WNK1: variants seen among roughly 807,000 people sequenced by gnomAD.
WNK1 encodes serine/threonine-protein kinase WNK1.
Under a neutral mutation model 222.8 loss-of-function variants are expected in WNK1, and 38 were observed. The ratio of observed to expected loss-of-function variants is 0.17; its 90% CI spans 0.13 to 0.22. The LOEUF is 0.22. Ranked by LOEUF, WNK1 falls within the 10% of genes least tolerant of loss-of-function variation. The probability of loss-of-function intolerance (pLI) is 1.00; values close to 1 mark genes in which losing one functional copy is unlikely to be tolerated. For missense variants in WNK1, 2,348 were observed against 2,918.4 expected (o/e 0.80, Z 4.50); for synonymous variants, 1,090 against 1,092.9 (o/e 1.00, Z 0.05).
At chr12:761,909 A>T (rs894699128) in intron 1 of WNK1, among the ~76,000 whole-genome samples, 1 of 147,092 alleles carries the variant, frequency 6.8e-6, no homozygotes, top group Non-Finnish European at 1.5e-5. Flanking sequence ...TCTCACACAC[A>T]GTCATCCGTC....
intron 1 of WNK1, among the ~76,000 whole-genome samples, chr12:765,652 T>G (rs899731775): frequency 4.6e-5 from 7 of 152,098 alleles, no homozygotes; most frequent in Non-Finnish European, 8.8e-5. Context: ...ATATGAGGAC[T>G]GTGCATGGTG....
intron 6 of WNK1, 52 bp from the exon 7 acceptor site, chr12:860,949 TGGTGGTGGGGGG>T: frequency 2.6e-6 from 3 of 1,170,924 alleles, no homozygotes; most frequent in Non-Finnish European, 2.3e-6. Flanking sequence ...TGGCGGGGGG[TGGTGGTGGGGGG>T]TGTTGTTTTC....
intron 8 of WNK1, 128 bp downstream of exon 8, chr12:862,398 C>G: frequency 9.5e-7 from 1 of 1,050,944 alleles, no homozygotes; most frequent in South Asian, 1.4e-5. Flanking sequence ...TGCTGTGTCT[C>G]TAAAGCCTTA....
chr12:768,267 C>T (rs909633252), intron 1 of WNK1, among the ~76,000 whole-genome samples: 2 of 152,180 alleles, frequency 1.3e-5, no homozygotes, highest in African/African-American at 4.8e-5. Context: ...TCCCAAGTAG[C>T]TGGGGTTACA....
chr12:860,879 C>T, intron 6 of WNK1, 134 bp from the exon 7 acceptor site: 2 of 855,530 alleles, frequency 2.3e-6, no homozygotes, highest in Non-Finnish European at 3.7e-6. Context: ...TAAGGCCAGT[C>T]CTGAGAGAAT....
intron 26 of WNK1, among the ~76,000 whole-genome samples, chr12:905,130 TG>T (rs139025629): frequency 1.8e-3 from 271 of 152,242 alleles, no homozygotes; most frequent in African/African-American, 6.2e-3. Context: ...AAATGAATCT[TG>T]GGGGTAAGTC....
intron 4 of WNK1, among the ~76,000 whole-genome samples, chr12:846,729 G>T (rs764214007): frequency 2.0e-5 from 3 of 152,124 alleles, no homozygotes; most frequent in Non-Finnish European, 2.9e-5. Flanking sequence ...TGAACATTTT[G>T]TCTGGGAAAA....
rs1420922782 is a variant in WNK1, at chr12:910,341, C to CTCATT, written c.*1552_*1556dup. 2 of 152,220 alleles carry CTCATT rather than the reference C, an allele frequency of 1.3e-5. No homozygotes were observed. The highest frequency in any genetic ancestry group is 4.8e-5 in the African/African-American group (2 of 41,456). The allele number at this position is 152,220 out of a possible 1,614,324, so 9.4% of individuals were successfully genotyped here. Reference sequence around the variant, plus strand: ...TTCTAGGAAAGAATACTTATTCCTACTCATTTCCTTTATGATGTCCAAATG... The same window carrying CTCATT: ...TTCTAGGAAAGAATACTTATTCCTACTCATTTCATTTCCTTTATGATGTCCAAATG... On this transcript the variant is annotated 3_prime_UTR_variant, in exon 28 of 28. Coordinates refer to ENST00000315939, the MANE Select transcript of WNK1 (RefSeq NM_018979.4).
At chr12:826,865 T>G (rs991937699) in intron 2 of WNK1, among the ~76,000 whole-genome samples, 177 bp from the exon 3 acceptor site, 2 of 152,232 alleles carry the variant, frequency 1.3e-5, no homozygotes, top group Non-Finnish European at 2.9e-5. Flanking sequence ...ATAGAATTTT[T>G]ATTTTAAACT....
intron 1 of WNK1, among the ~76,000 whole-genome samples, chr12:801,893 T>G (rs999918173): frequency 2.0e-5 from 3 of 152,214 alleles, no homozygotes; most frequent in South Asian, 4.1e-4. Context: ...GTATTTACTT[T>G]GTTTTTTGAG....
chr12:867,990 C>T lies in WNK1; in HGVS notation c.2140-3275C>T. 1 of 1,614,020 alleles carries T rather than the reference C, an allele frequency of 6.2e-7. No homozygotes were observed. The highest frequency in any genetic ancestry group is 8.5e-7 in the Non-Finnish European group (1 of 1,179,894). ...CCTCCCACCTGCCCACCGAAAGTAG[C>T]CATTTCCCAGCGGCGTAAGAGCACC... On this transcript the variant is annotated intron_variant, in intron 8 of 27. Transcript: ENST00000315939.
chr12:792,399 G>A (rs10774463), intron 1 of WNK1, among the ~76,000 whole-genome samples: 93,469 of 147,056 alleles, frequency 0.64, 30,313 homozygotes, highest in East Asian at 0.87. Flanking sequence ...TGCAGCCTCC[G>A]CTTCCCAGCC....
intron 1 of WNK1, among the ~76,000 whole-genome samples, chr12:785,793 T>C (rs185179234): frequency 1.8e-3 from 269 of 152,292 alleles, no homozygotes; most frequent in Non-Finnish European, 2.1e-3. Context: ...CCCATGTAGA[T>C]TGGATGCTCT....
intron 1 of WNK1, among the ~76,000 whole-genome samples, chr12:782,171 G>T (rs1007494011): frequency 6.6e-6 from 1 of 152,122 alleles, no homozygotes; most frequent in African/African-American, 2.4e-5. Flanking sequence ...GAGATTTTTG[G>T]TCTGAAGTGA....
chr12:796,416 T>C (rs11064536), intron 1 of WNK1, among the ~76,000 whole-genome samples: 18,649 of 152,044 alleles, frequency 0.12, 1,491 homozygotes, highest in South Asian at 0.21. Context: ...TATTACGCAA[T>C]AAGGAGCTTG....
chr12:848,093 C>G (rs1208736803), intron 4 of WNK1, among the ~76,000 whole-genome samples: 2 of 152,130 alleles, frequency 1.3e-5, no homozygotes, highest in Non-Finnish European at 2.9e-5. Context: ...GCGTGAGCCA[C>G]CGCGCCTGGC....
intron 1 of WNK1, among the ~76,000 whole-genome samples, chr12:755,606 T>C (rs1162191312): frequency 6.6e-6 from 1 of 151,864 alleles, no homozygotes; most frequent in Non-Finnish European, 1.5e-5. Flanking sequence ...TATTTTAGAA[T>C]TGAAAAGGTG....
chr12:818,798 G>C (rs1342832144), intron 2 of WNK1, among the ~76,000 whole-genome samples: 1 of 152,206 alleles, frequency 6.6e-6, no homozygotes, highest in Non-Finnish European at 1.5e-5. Context: ...GCACGCATCA[G>C]TACTTCATCC....
intron 19 of WNK1, 58 bp downstream of exon 19, chr12:886,142 T>G: frequency 7.0e-7 from 1 of 1,420,274 alleles, no homozygotes; most frequent in Non-Finnish European, 9.6e-7. Context: ...TTCTCCCTAA[T>G]GAGTACATTT....
Sources: gnomAD v4.1 joint callset for allele counts (sites outside exome capture counted in the v4.1 genomes callset) on GRCh38, gnomAD v4.1.1 for gene constraint, MANE v1.5 for transcripts, NCBI Gene and HGNC (gene_info 2026-07-23, HGNC 2026-07-21) for gene names.